NOTCH1: variants seen among roughly 807,000 people sequenced by gnomAD.
NOTCH1 encodes the protein neurogenic locus notch homolog protein 1.
A neutral mutation model predicts 254.8 loss-of-function variants in NOTCH1; 37 were observed. That is an observed-to-expected ratio of 0.15 (90% CI 0.11 to 0.19). The LOEUF is 0.19. Among genes scored for constraint, NOTCH1 ranks in the 10% least tolerant of loss-of-function variants. NOTCH1 has a pLI of 1.00. For missense variants in NOTCH1, 2,972 were observed against 3,708.6 expected (o/e 0.80, Z 5.16); for synonymous variants, 1,731 against 1,618.1 (o/e 1.07, Z -1.68).
Position 136,505,543 on chromosome 9 carries a change from C to A in NOTCH1, c.4353G>T (p.Leu1451=). The part of the protein sequence containing the change: ...PPPLIEEACE[L]PECQEDAGNK... ...TGCCCGCGTCCTCCTGGCACTCGGG[C>A]AGCTCGCACGCCTCCTCGATCAGCG... The change falls in exon 25 of 34, where the codon CTG becomes CTT. Residue 1451 remains leucine, a synonymous_variant. Coordinates refer to ENST00000651671, the MANE Select transcript of NOTCH1 (RefSeq NM_017617.5). 1.2e-6 allele frequency: 2 copies of A among 1,611,990 alleles called. No homozygotes were observed. Among genetic ancestry groups the A allele is most frequent in the Non-Finnish European group, 1.7e-6 (2 of 1,179,674 alleles).
rs767435492 is a variant in NOTCH1, at chr9:136,496,354, G to A, written c.7385C>T (p.Pro2462Leu). 45 of 1,592,166 alleles carry A rather than the reference G, an allele frequency of 2.8e-5. No homozygotes were observed. The highest frequency in any genetic ancestry group is 4.3e-6 in the Non-Finnish European group (5 of 1,173,092). ...AVHTILPQES[P>L]ALPTSLPSSL... ...GGATGGCAGCGACGTGGGCAGGGCGGGGCTCTCCTGGGGCAGAATAGTGTG... is the reference window on the plus strand; with the variant it reads ...GGATGGCAGCGACGTGGGCAGGGCGAGGCTCTCCTGGGGCAGAATAGTGTG... Residue 2462 changes from proline (P) to leucine (L), a missense_variant, in exon 34 of 34, where the codon CCC (proline) becomes CTC (leucine). Transcript: ENST00000651671.
intron 26 of NOTCH1, among the ~76,000 whole-genome samples, chr9:136,504,237 A>G (rs138549587): frequency 3.9e-5 from 6 of 152,320 alleles, no homozygotes; most frequent in African/African-American, 7.2e-5. Context: ...AGGTCTCCCT[A>G]TGTTGCCCAG....
In NOTCH1 at chr9:136,507,445, G is replaced by A. The variant is rs551939397; in HGVS notation, c.3511-8C>T. The A allele has an allele frequency of 6.3e-7, 1 of 1,599,902 alleles. No individual in the cohort carries two copies. The highest frequency in any genetic ancestry group is 1.3e-5 in the African/African-American group (1 of 74,944). ...GTGGTAGCCGGCCACGCACTGTGCA[G>A]GCGACAGAACGAGGGGCCCTTCGGC... On this transcript the variant is annotated splice_polypyrimidine_tract_variant and splice_region_variant and intron_variant, in intron 21 of 33. Transcript: ENST00000651671.
Position 136,497,574 on chromosome 9 carries a change from G to A in NOTCH1, c.6181-16C>T, listed in dbSNP as rs754919355. 28 of 1,565,956 alleles carry A rather than the reference G, an allele frequency of 1.8e-5. No individual in the cohort carries two copies. The East Asian group carries it at 3.9e-4, about 22-fold the overall frequency. ...GTGTCTCCTCCTGGGGGATGAGGGC[G>A]GGGGCCGGTGAGGGGGGCCAGGCCA... On this transcript the variant is annotated splice_polypyrimidine_tract_variant and intron_variant, in intron 33 of 33. Transcript: ENST00000651671.
intron 2 of NOTCH1, among the ~76,000 whole-genome samples, chr9:136,527,210 C>G (rs1843476423): frequency 6.6e-6 from 1 of 152,218 alleles, no homozygotes; most frequent in Admixed American, 6.5e-5. Context: ...GAGCACCCTA[C>G]AGACGGCGAA....
At chr9:136,508,431 TC>T (rs1326802698) in intron 19 of NOTCH1, 46 bp from the exon 20 acceptor site, 2 of 1,611,778 alleles carry the variant, frequency 1.2e-6, no homozygotes, top group Non-Finnish European at 8.5e-7. Context: ...CCCGGCCATT[TC>T]CCCGGTAGCT....
At position 136,506,774 on chromosome 9, in the gene NOTCH1, G is replaced by A. The variant is rs1284772949; in HGVS notation, c.3843C>T (p.Thr1281=). Residue 1281 remains threonine (T), a synonymous_variant, in exon 23 of 34, where the codon ACC becomes ACT. Coordinates refer to ENST00000651671, the MANE Select transcript of NOTCH1 (RefSeq NM_017617.5). This position sits in a 1 kb window ranked among gnomAD's most constrained non-coding sequence, Gnocchi z 4.5. ...CLSNPCDARG[T]QNCVQRVNDF... is the part of the protein sequence containing the mutation. ...CATTGACGCGCTGCACGCAGTTCTGGGTGCCACGGGCGTCGCAGGGATTGG... is the reference window on the plus strand; with the variant it reads ...CATTGACGCGCTGCACGCAGTTCTGAGTGCCACGGGCGTCGCAGGGATTGG... The A allele has an allele frequency of 6.2e-7, 1 of 1,609,368 alleles. No individual in the cohort carries two copies. The highest frequency in any genetic ancestry group is 8.5e-7 in the Non-Finnish European group (1 of 1,178,434).
rs1243264280 is a variant in NOTCH1 at position 136,505,389 on chromosome 9, C to G, written c.4507G>C (p.Gly1503Arg). The change falls in exon 25 of 34, where the codon GGC becomes CGC. Residue 1503 changes from glycine (G) to arginine (R), a missense_variant. Gly to Arg is a moderately radical substitution (Grantham distance 125). Around this residue, in one of 8 missense-constraint regions of NOTCH1, gnomAD observed 1,343 missense variants for 1,557.0 expected, o/e 0.86. Coordinates refer to ENST00000651671, the MANE Select transcript of NOTCH1 (RefSeq NM_017617.5). ...SLQCWKYFSD[G>R]HCDSQCNSAG... ...GAGTTGCACTGGCTGTCACAGTGGCCGTCACTGAAGTACTTCCAGCACTGC... is the reference window on the plus strand; with the variant it reads ...GAGTTGCACTGGCTGTCACAGTGGCGGTCACTGAAGTACTTCCAGCACTGC... 3.1e-6 allele frequency: 5 copies of G among 1,611,680 alleles called. No individual in the cohort carries two copies. The highest frequency in any genetic ancestry group is 3.4e-6 in the Non-Finnish European group (4 of 1,179,646).
At chr9:136,525,099 C>A (rs544608750) in intron 2 of NOTCH1, among the ~76,000 whole-genome samples, 1 of 152,214 alleles carries the variant, frequency 6.6e-6, no homozygotes, top group Non-Finnish European at 1.5e-5. Flanking sequence ...CACATCCAGG[C>A]ACATCAGCCA....
Position 136,523,892 on chromosome 9 carries a change from C to T in NOTCH1, c.228G>A (p.Val76=). 1 of 1,609,090 alleles carries T rather than the reference C, an allele frequency of 6.2e-7. No individual in the cohort carries two copies. Among genetic ancestry groups the T allele is most frequent in the Non-Finnish European group, 8.5e-7 (1 of 1,178,526 alleles). The change falls in exon 3 of 34, where the codon GTG becomes GTA. Residue 76 remains valine, a synonymous_variant. Transcript: ENST00000651671. ...TPCKNAGTCH[V]VDRRGVADYA... ...AGTCTGCCACGCCTCTGCGGTCCAC[C>T]ACGTGGCATGTCCCGGCGTTCTTGC...
In NOTCH1 at chr9:136,527,606, T is replaced by C. The variant is rs570358477; in HGVS notation, c.141-3627A>G. ...ATAGGGAACGCCAGTCTCCCCCGAC[T>C]GGACGAGAGAGCTGCCCTGTCCACC... On this transcript the variant is annotated intron_variant, in intron 2 of 33. Transcript: ENST00000651671. 5.9e-5 allele frequency among the ~76,000 whole-genome samples: 9 copies of C among 152,282 alleles called. No homozygotes were observed. In the East Asian group the frequency reaches 1.7e-3, roughly 29 times the overall value.
rs756240085 is a variant in NOTCH1 at position 136,505,777 on chromosome 9, C to G, written c.4119G>C (p.Leu1373=). 1 of 1,586,228 alleles carries G rather than the reference C, an allele frequency of 6.3e-7. No homozygotes were observed. Among genetic ancestry groups the G allele is most frequent in the Non-Finnish European group, 8.6e-7 (1 of 1,165,854 alleles). ...CISGPRSPTC[L]CLGPFTGPEC... ...CGGGGCCCGTGAAGGGGCCCAGGCA[C>G]AGGCAGGTGGGGCTGCGCGGGCCGG... Residue 1373 remains leucine (L), a synonymous_variant, in exon 25 of 34, where the codon CTG becomes CTC. Transcript: ENST00000651671.
In NOTCH1 at chr9:136,506,587, A is replaced by T. The variant is rs754634957; in HGVS notation, c.3954T>A (p.Asn1318Lys). 2.6e-5 allele frequency: 42 copies of T among 1,610,844 alleles called. No homozygotes were observed. Among genetic ancestry groups the T allele is most frequent in the Admixed American group, 5.0e-5 (3 of 59,868 alleles). Reference protein sequence around the residue: ...INGCKGKPCKNGGTCAVASNT... With the variant: ...INGCKGKPCKKGGTCAVASNT... ...TGGAGGCCACGGCGCAGGTGCCCCC[A>T]TTCTTGCAGGGCTTGCCTTTGCAGC... The change falls in exon 24 of 34, where the codon AAT becomes AAA. Residue 1318 changes from asparagine (N) to lysine (K), a missense_variant. Around this residue, in one of 8 missense-constraint regions of NOTCH1, gnomAD observed 1,343 missense variants for 1,557.0 expected, o/e 0.86. Transcript: ENST00000651671. This position sits in a 1 kb window ranked among gnomAD's most constrained non-coding sequence, Gnocchi z 4.5.
intron 26 of NOTCH1, among the ~76,000 whole-genome samples, chr9:136,503,703 G>A (rs901396121): frequency 9.8e-5 from 15 of 152,350 alleles, no homozygotes; most frequent in South Asian, 2.1e-4. Context: ...AAGCACAGGC[G>A]TGAGGTGGGG....
At chr9:136,522,095 A>G (rs1326460542) in intron 4 of NOTCH1, among the ~76,000 whole-genome samples, 1 of 149,338 alleles carries the variant, frequency 6.7e-6, no homozygotes, top group Non-Finnish European at 1.5e-5. Flanking sequence ...CTCCTCCCTC[A>G]GCCTCCTGAG....
At chr9:136,519,406 C>T (rs778402169) in intron 5 of NOTCH1, 37 bp downstream of exon 5, 34 of 1,611,128 alleles carry the variant, frequency 2.1e-5, no homozygotes, top group Admixed American at 6.7e-5. Flanking sequence ...GCAGCCCCGC[C>T]CCGGCTACCC....
intron 2 of NOTCH1, among the ~76,000 whole-genome samples, chr9:136,537,126 G>A (rs920131428): frequency 4.6e-5 from 7 of 152,192 alleles, no homozygotes; most frequent in South Asian, 2.1e-4. Flanking sequence ...TGTGGCTGTC[G>A]GGTGGCTGCA....
chr9:136,521,883 C>T (rs1391109543), intron 4 of NOTCH1, among the ~76,000 whole-genome samples: 1 of 152,236 alleles, frequency 6.6e-6, no homozygotes, highest in East Asian at 1.9e-4. Context: ...CCTGTGCACC[C>T]TCCAGCCCCA....
At chr9:136,541,420 C>T (rs1224134268) in intron 2 of NOTCH1, among the ~76,000 whole-genome samples, 1 of 152,188 alleles carries the variant, frequency 6.6e-6, no homozygotes, top group Non-Finnish European at 1.5e-5. Context: ...GCGGAGGCAG[C>T]AAATGGCACC....
Sources: allele counts gnomAD v4.1 joint callset (sites outside exome capture counted in the v4.1 genomes callset), GRCh38; gene constraint gnomAD v4.1.1; regional missense constraint gnomAD v4.1.1; non-coding constraint Gnocchi (gnomAD v3.1); transcripts MANE v1.5; gene names NCBI Gene and HGNC (gene_info 2026-07-23, HGNC 2026-07-21).